Variants in CCDC170 observed in about 807,000 individuals in gnomAD.
The protein encoded by CCDC170 is coiled-coil domain-containing protein 170.
Under a neutral mutation model 72.6 loss-of-function variants are expected in CCDC170, and 69 were observed. The observed-to-expected ratio is 0.95, with a 90% CI of 0.78 to 1.16. The LOEUF (loss-of-function observed/expected upper bound fraction) is 1.16, where lower values mean the gene tolerates loss of function less well. Ranked by LOEUF, CCDC170 falls within the 50% of genes most tolerant of loss-of-function variation. The pLI is 0.00. For synonymous variants in CCDC170, 300 were observed against 303.9 expected (o/e 0.99, Z 0.13); for missense variants, 852 against 832.5 (o/e 1.02, Z -0.29).
At chr6:151,500,905 G>A (rs142354917) in intron 1 of CCDC170, among the ~76,000 whole-genome samples, 1 of 152,210 alleles carries the variant, frequency 6.6e-6, no homozygotes, top group Non-Finnish European at 1.5e-5. Flanking sequence ...TAAGAGAGCT[G>A]CTAAAAGTGC....
intron 1 of CCDC170, among the ~76,000 whole-genome samples, chr6:151,529,213 G>A (rs140151721): frequency 1.1e-3 from 160 of 152,232 alleles, no homozygotes; most frequent in African/African-American, 3.8e-3. Flanking sequence ...GTTCAGTGAT[G>A]TCTTAAGGAT....
Position 151,573,190 on chromosome 6 carries a change from T to C in CCDC170, c.791T>C (p.Val264Ala), listed in dbSNP as rs1776248529. The C allele has an allele frequency of 6.2e-7, 1 of 1,613,568 alleles. No individual in the cohort carries two copies. Among genetic ancestry groups the C allele is most frequent in the Non-Finnish European group, 8.5e-7 (1 of 1,179,912 alleles). Reference sequence around the variant, plus strand: ...TCATTTTAGGACCTGCTCAGTGCTGTAGAAGCAAAAGAAGCTCTTGAAAGG... The same window carrying C: ...TCATTTTAGGACCTGCTCAGTGCTGCAGAAGCAAAAGAAGCTCTTGAAAGG... ...EKLNQDLLSA[V>A]EAKEALEREV... Residue 264 changes from valine to alanine, a missense_variant, in exon 6 of 11, where the codon GTA becomes GCA. Physicochemically the swap from Val to Ala is moderately conservative, Grantham distance 64 (BLOSUM62 0). Transcript: ENST00000239374.
At chr6:151,574,794 G>A (rs1448562777) in intron 6 of CCDC170, among the ~76,000 whole-genome samples, 3 of 152,118 alleles carry the variant, frequency 2.0e-5, no homozygotes, top group African/African-American at 7.2e-5. Flanking sequence ...GGCCGATCAG[G>A]TTATTGTTTC....
chr6:151,550,053 G>T (rs370707543), intron 5 of CCDC170, among the ~76,000 whole-genome samples: 1 of 152,158 alleles, frequency 6.6e-6, no homozygotes, highest in African/African-American at 2.4e-5. Flanking sequence ...TTTACACAAT[G>T]AATTGGCTGA....
intron 7 of CCDC170, among the ~76,000 whole-genome samples, chr6:151,589,421 A>G (rs1432319393): frequency 1.3e-5 from 2 of 152,154 alleles, no homozygotes; most frequent in African/African-American, 2.4e-5. Flanking sequence ...CTGAAATGAC[A>G]TCTGCTCAAA....
chr6:151,549,911 ATATCATTCT>A (rs1782853603), intron 5 of CCDC170, among the ~76,000 whole-genome samples: 1 of 152,228 alleles, frequency 6.6e-6, no homozygotes, highest in South Asian at 2.1e-4. Flanking sequence ...GAGTAATCTT[ATATCATTCT>A]TCATGTGGGA....
intron 1 of CCDC170, among the ~76,000 whole-genome samples, chr6:151,523,688 A>G (rs552077101): frequency 1.3e-4 from 17 of 132,868 alleles, no homozygotes; most frequent in African/African-American, 4.6e-4. Context: ...TCTGTCTCAA[A>G]AAAAAAAAAA....
chr6:151,608,700 T>C (rs955643479), intron 9 of CCDC170, among the ~76,000 whole-genome samples: 4 of 152,160 alleles, frequency 2.6e-5, no homozygotes, highest in Non-Finnish European at 5.9e-5. Context: ...TGGTGACACA[T>C]GCAGAGATGA....
intron 5 of CCDC170, among the ~76,000 whole-genome samples, chr6:151,561,347 T>C (rs1776028015): frequency 6.6e-6 from 1 of 152,198 alleles, no homozygotes; most frequent in South Asian, 2.1e-4. Context: ...TTTTATAGTC[T>C]CAAGTATTAT....
intron 1 of CCDC170, among the ~76,000 whole-genome samples, chr6:151,518,557 C>T (rs1379156731): frequency 6.6e-6 from 1 of 152,200 alleles, no homozygotes; most frequent in African/African-American, 2.4e-5. Flanking sequence ...GGTGCCTACT[C>T]CATAGGCAGA....
chr6:151,525,090 A>G (rs1378528957), intron 1 of CCDC170, among the ~76,000 whole-genome samples: 2 of 151,888 alleles, frequency 1.3e-5, no homozygotes, highest in Non-Finnish European at 2.9e-5. Context: ...CCGCCACTGC[A>G]CCCAGCTAAT....
chr6:151,515,865 A>G (rs1782227146), intron 1 of CCDC170, among the ~76,000 whole-genome samples: 1 of 152,156 alleles, frequency 6.6e-6, no homozygotes, highest in South Asian at 2.1e-4. Flanking sequence ...CAAGAGATCA[A>G]GACCATCCTG....
chr6:151,497,505 C>G (rs562089419), intron 1 of CCDC170, among the ~76,000 whole-genome samples: 1 of 152,170 alleles, frequency 6.6e-6, no homozygotes. Flanking sequence ...ACCTATAATG[C>G]GATCACCAGC....
chr6:151,580,153 C>T (rs1776360206), intron 6 of CCDC170, among the ~76,000 whole-genome samples: 1 of 152,098 alleles, frequency 6.6e-6, no homozygotes, highest in African/African-American at 2.4e-5. Context: ...CCAGTAAATT[C>T]GGTGGTGTGC....
intron 5 of CCDC170, among the ~76,000 whole-genome samples, chr6:151,560,290 AT>A (rs1783055937): frequency 6.6e-6 from 1 of 151,910 alleles, no homozygotes; most frequent in Non-Finnish European, 1.5e-5. Flanking sequence ...CTTGGTGTTG[AT>A]TTCTAATTTT....
In CCDC170 at chr6:151,583,850, C is replaced by T. The variant is rs116563923; in HGVS notation, c.1093-2039C>T. Among the ~76,000 whole-genome samples the T allele has an allele frequency of 6.6e-3, 1,009 of 152,198 alleles. 17 individuals carry two copies. The highest frequency in any genetic ancestry group is 0.023 in the African/African-American group (960 of 41,514). On this transcript the variant is annotated intron_variant, in intron 6 of 10. Transcript: ENST00000239374. ...TGTTGTGTCTCAGGAAATAGGGAGG[C>T]CCAAGGAGAGGAAGTGGGGTCAGCC...
intron 1 of CCDC170, among the ~76,000 whole-genome samples, chr6:151,516,269 G>A (rs1782234774): frequency 6.6e-6 from 1 of 152,096 alleles, no homozygotes; most frequent in South Asian, 2.1e-4. Context: ...AAAGGGAGAA[G>A]GGTATAATGA....
intron 3 of CCDC170, among the ~76,000 whole-genome samples, chr6:151,539,914 AC>A (rs1268129807): frequency 2.0e-5 from 3 of 151,782 alleles, no homozygotes; most frequent in African/African-American, 7.3e-5. Context: ...TTTCTCTTTC[AC>A]CCTCCATGTC....
intron 5 of CCDC170, among the ~76,000 whole-genome samples, chr6:151,564,853 G>A (rs1278429288): frequency 6.6e-6 from 1 of 152,212 alleles, no homozygotes; most frequent in African/African-American, 2.4e-5. Context: ...GTGCCTATCA[G>A]CACTGGCTGT....
Sources: gnomAD v4.1 joint callset for allele counts (sites outside exome capture counted in the v4.1 genomes callset) on GRCh38, gnomAD v4.1.1 for gene constraint, MANE v1.5 for transcripts, NCBI Gene and HGNC (gene_info 2026-07-23, HGNC 2026-07-21) for gene names.